The following LFNG variants were observed in gnomAD, a reference collection of about 807,000 sequenced individuals.
The protein encoded by LFNG is beta-1,3-N-acetylglucosaminyltransferase lunatic fringe.
In LFNG, 15 loss-of-function variants were observed where a neutral mutation model predicts 32.7. The ratio of observed to expected loss-of-function variants is 0.46; its 90% CI spans 0.31 to 0.71. LFNG has a LOEUF of 0.71. Ranked by LOEUF, LFNG falls within the 30% of genes least tolerant of loss-of-function variation. The pLI is 0.06. For synonymous variants in LFNG, 274 were observed against 246.8 expected, an observed-to-expected ratio of 1.11 and a Z score of -1.03; for missense variants, 520 against 545.7, an observed-to-expected ratio of 0.95 and a Z score of 0.47.
chr7:2,522,695 C>T (rs938667252), intron 1 of LFNG, among the ~76,000 whole-genome samples: 9 of 152,044 alleles, frequency 5.9e-5, no homozygotes, highest in African/African-American at 2.2e-4. Flanking sequence ...GCTGGTCTAG[C>T]ACCGCCTCGG....
At chr7:2,519,060 C>T (rs1038786271), upstream of LFNG, among the ~76,000 whole-genome samples, 5 of 152,190 alleles carry the variant, frequency 3.3e-5, no homozygotes, top group African/African-American at 4.8e-5. Context: ...AAGTGGCGGC[C>T]TTCGTTTCTC....
chr7:2,515,388 C>G (rs922854722), upstream of LFNG, among the ~76,000 whole-genome samples: 2 of 152,164 alleles, frequency 1.3e-5, no homozygotes, highest in East Asian at 3.9e-4. Flanking sequence ...GGGACACAGA[C>G]GTAAAGGAGC....
intron 5 of LFNG, among the ~76,000 whole-genome samples, 193 bp downstream of exon 5, chr7:2,525,963 C>T (rs923543867): frequency 6.6e-6 from 1 of 152,316 alleles, no homozygotes; most frequent in African/African-American, 2.4e-5. Context: ...CCAAGCCTGA[C>T]CTGCTCAGAG....
upstream of LFNG, chr7:2,513,124 C>G (rs373971431): frequency 9.3e-6 from 15 of 1,610,376 alleles, no homozygotes; most frequent in African/African-American, 2.0e-4. Context: ...TTTTCTAACC[C>G]CTGTTGAATC....
At chr7:2,521,377 C>A (rs949941550) in intron 1 of LFNG, among the ~76,000 whole-genome samples, 2 of 152,172 alleles carry the variant, frequency 1.3e-5, no homozygotes, top group Non-Finnish European at 2.9e-5. Context: ...GCGGCCGGGC[C>A]GTTAGGATTC....
chr7:2,517,974 G>A (rs549056212), upstream of LFNG: 1 of 1,073,670 alleles, frequency 9.3e-7, no homozygotes, highest in Non-Finnish European at 1.2e-6. Flanking sequence ...GATGGGGGTG[G>A]AGGCTGCCCA....
At chr7:2,512,794 C>A in intron 1 of LFNG, 1 of 1,100,202 alleles carries the variant, frequency 9.1e-7, no homozygotes, top group Non-Finnish European at 1.4e-6. Flanking sequence ...CCCCCAGTAC[C>A]CCTGCATTCT....
upstream of LFNG, among the ~76,000 whole-genome samples, chr7:2,516,330 A>G (rs1583269166): frequency 6.6e-6 from 1 of 152,312 alleles, no homozygotes; most frequent in South Asian, 2.1e-4. Flanking sequence ...TGGGTCACCC[A>G]TTATGTCTCC....
chr7:2,520,125 G>T lies in LFNG; in HGVS notation c.264G>T (p.Ala88=). 1.3e-5 allele frequency: 18 copies of T among 1,353,136 alleles called. No individual in the cohort carries two copies. The highest frequency in any genetic ancestry group is 1.7e-5 in the Non-Finnish European group (18 of 1,043,602). 83.8% of individuals were successfully genotyped at this position (1,353,136 alleles called of 1,614,324 possible). A position where few individuals can be genotyped will look rare whatever the true frequency, so the allele number is the denominator to read the frequency against. ...TGCTCACCCGCGCGCGCAGAGATGCGGGCCCGCCGCCCGGGGCTGCCCCCC... is the reference window on the plus strand; with the variant it reads ...TGCTCACCCGCGCGCGCAGAGATGCTGGCCCGCCGCCCGGGGCTGCCCCCC... ...FSLLTRARRD[A]GPPPGAAPRP... The change falls in exon 1 of 8, where the codon GCG becomes GCT. Residue 88 remains alanine (A), a synonymous_variant. Coordinates refer to ENST00000222725, the MANE Select transcript of LFNG (RefSeq NM_001040167.2). The surrounding 1 kb of genome is among the most constrained non-coding windows in gnomAD (Gnocchi z 5.0).
chr7:2,520,345 T>C lies in LFNG; in HGVS notation c.432+52T>C. On this transcript the variant is annotated intron_variant, in intron 1 of 7. Transcript: ENST00000222725. The surrounding 1 kb of genome is among the most constrained non-coding windows in gnomAD (Gnocchi z 5.0). ...GGGCGAGCGGGGCGGGGACCCACCA[T>C]CTGGTCCAGCTGGTGGCAGTGTCCC... is the stretch of plus-strand genomic sequence containing the variant. The C allele has an allele frequency of 6.6e-7, 1 of 1,513,772 alleles. No homozygotes were observed. The highest frequency in any genetic ancestry group is 1.1e-5 in the South Asian group (1 of 88,072). The allele number at this position is 1,513,772 out of a possible 1,614,324, so 93.8% of individuals were successfully genotyped here.
downstream of LFNG, chr7:2,528,469 C>A: frequency 9.1e-6 from 9 of 988,346 alleles, no homozygotes; most frequent in Non-Finnish European, 1.1e-5. Context: ...GGGGCCTAAG[C>A]CCCAGGGCAG....
upstream of LFNG, chr7:2,518,660 A>T (rs1043997824): frequency 1.5e-5 from 24 of 1,583,078 alleles, no homozygotes; most frequent in East Asian, 5.5e-4. Flanking sequence ...GCGTGAACAT[A>T]ACTCCGAGGG....
In LFNG at chr7:2,527,263, C is replaced by T; in HGVS notation, c.*51C>T. The T allele has an allele frequency of 6.2e-7, 1 of 1,603,406 alleles. No individual in the cohort carries two copies. The highest frequency in any genetic ancestry group is 8.5e-7 in the Non-Finnish European group (1 of 1,177,930). Reference sequence around the variant, plus strand: ...GGGCGCCCCTGGTATCCAAAGGGCCCAGGGACCCTGTTGCGCTGCCCTGGC... The same window carrying T: ...GGGCGCCCCTGGTATCCAAAGGGCCTAGGGACCCTGTTGCGCTGCCCTGGC... On this transcript the variant is annotated 3_prime_UTR_variant, in exon 8 of 8. Transcript: ENST00000222725. The surrounding 1 kb of genome is among the most constrained non-coding windows in gnomAD (Gnocchi z 4.4).
In LFNG at chr7:2,520,433, C is replaced by G. The variant is rs926868922; in HGVS notation, c.432+140C>G. ...CCATCTGTGGGCGACGCCAGTGCACCCCGGTGCACCCAGTTTGCCTGCTGG... is the reference window on the plus strand; with the variant it reads ...CCATCTGTGGGCGACGCCAGTGCACGCCGGTGCACCCAGTTTGCCTGCTGG... On this transcript the variant is annotated intron_variant, in intron 1 of 7. Coordinates refer to ENST00000222725, the MANE Select transcript of LFNG (RefSeq NM_001040167.2). The surrounding 1 kb of genome is among the most constrained non-coding windows in gnomAD (Gnocchi z 5.0). 5.4e-6 allele frequency: 4 copies of G among 747,128 alleles called. No individual in the cohort carries two copies. Among genetic ancestry groups the G allele is most frequent in the East Asian group, 3.2e-5 (1 of 31,000 alleles). 46.3% of individuals were successfully genotyped at this position (747,128 alleles called of 1,614,324 possible).
In LFNG at chr7:2,526,301, C is replaced by T. The variant is rs144054000; in HGVS notation, c.879C>T (p.Ile293=). 9 of 1,612,844 alleles carry T rather than the reference C, an allele frequency of 5.6e-6. No homozygotes were observed. Among genetic ancestry groups the T allele is most frequent in the African/African-American group, 2.7e-5 (2 of 74,924 alleles). The part of the protein sequence containing the change: ...ERIRLPDDCT[I]GYIVEALLGV... ...TCCGGCTGCCTGATGACTGCACCAT[C>T]GGCTACATCGTGGAGGCCCTGCTGG... Residue 293 remains isoleucine, a synonymous_variant, in exon 6 of 8, where the codon ATC becomes ATT. Coordinates refer to ENST00000222725, the MANE Select transcript of LFNG (RefSeq NM_001040167.2). This position sits in a 1 kb window ranked among gnomAD's most constrained non-coding sequence, Gnocchi z 6.9.
upstream of LFNG, among the ~76,000 whole-genome samples, chr7:2,514,691 C>T (rs1293848872): frequency 1.3e-5 from 2 of 151,910 alleles, no homozygotes; most frequent in African/African-American, 2.4e-5. Flanking sequence ...TCCTTCCAGC[C>T]ATCCATACAT....
At chr7:2,514,283 C>G (rs905417866), upstream of LFNG, among the ~76,000 whole-genome samples, 1 of 152,228 alleles carries the variant, frequency 6.6e-6, no homozygotes, top group Non-Finnish European at 1.5e-5. Flanking sequence ...CTCTGTGTAT[C>G]TGCACATCCA....
Position 2,525,466 on chromosome 7 carries a change from C to G in LFNG, c.634C>G (p.Arg212Gly). 1 of 1,612,564 alleles carries G rather than the reference C, an allele frequency of 6.2e-7. No individual in the cohort carries two copies. The highest frequency in any genetic ancestry group is 8.5e-7 in the Non-Finnish European group (1 of 1,179,856). The change falls in exon 4 of 8, where the codon CGG becomes GGG. Residue 212 changes from arginine (R) to glycine (G), a missense_variant. Physicochemically the swap from Arg to Gly is moderately radical, Grantham distance 125. Around this residue, in one of 3 missense-constraint regions of LFNG, gnomAD observed 360 missense variants for 354.7 expected, o/e 1.01. Transcript: ENST00000222725. Reference protein sequence around the residue: ...DNYVNLRALLRLLASYPHTRD... With the variant: ...DNYVNLRALLGLLASYPHTRD... ...CTACGTCAACCTGCGGGCCCTGCTG[C>G]GGCTGCTGGCCAGCTACCCGCACAC... is the stretch of plus-strand genomic sequence containing the variant.
Position 2,526,516 on chromosome 7 carries a change from A to G in LFNG, c.987+107A>G, listed in dbSNP as rs1779981084. The stretch of plus-strand genomic sequence containing the variant: ...GGGCACTGTTCTAAACAGGGAGGCC[A>G]GGCAGCACTCCACTGTCAGCCAGGG... On this transcript the variant is annotated intron_variant, in intron 6 of 7. Transcript: ENST00000222725. This position sits in a 1 kb window ranked among gnomAD's most constrained non-coding sequence, Gnocchi z 6.9. 8.0e-7 allele frequency: 1 copy of G among 1,247,910 alleles called. No individual in the cohort carries two copies. The highest frequency in any genetic ancestry group is 1.1e-6 in the Non-Finnish European group (1 of 877,658). The allele number at this position is 1,247,910 out of a possible 1,614,324, so 77.3% of individuals were successfully genotyped here.
Sources: allele counts gnomAD v4.1 joint callset (sites outside exome capture counted in the v4.1 genomes callset), GRCh38; gene constraint gnomAD v4.1.1; regional missense constraint gnomAD v4.1.1; non-coding constraint Gnocchi (gnomAD v3.1); transcripts MANE v1.5; gene names NCBI Gene and HGNC (gene_info 2026-07-23, HGNC 2026-07-21).